Variants in RC3H1 observed in about 807,000 individuals in gnomAD.
RC3H1 encodes ring finger and CCCH-type domains 1.
RC3H1 carries 50 observed loss-of-function variants against 138.2 expected under a neutral mutation model. The observed-to-expected ratio is 0.36, with a 90% confidence interval of 0.29 to 0.46. RC3H1 has a LOEUF of 0.46. Ranked by LOEUF, RC3H1 falls within the 20% of genes least tolerant of loss-of-function variation. The pLI, the probability that RC3H1 is intolerant of heterozygous loss-of-function variation, is 1.00. For missense variants in RC3H1, 1,031 were observed against 1,388.1 expected (o/e 0.74, Z 4.09); for synonymous variants, 462 against 489.1 (o/e 0.94, Z 0.73).
chr1:174,000,857 G>A (rs1329290581), intron 1 of RC3H1, among the ~76,000 whole-genome samples: 4 of 152,072 alleles, frequency 2.6e-5, no homozygotes. Context: ...AATTTACAGT[G>A]GAAATAGAGT....
At position 173,946,466 on chromosome 1, in the gene RC3H1, A is replaced by C; in HGVS notation, c.2961+10T>G. On this transcript the variant is annotated intron_variant, in intron 17 of 19. Coordinates refer to ENST00000367696, the MANE Select transcript of RC3H1 (RefSeq NM_172071.4). Reference sequence around the variant, plus strand: ...AAAAATTGGAATAAAATGGCTCTCTAGGCTGGTACCTCTAGTCCACGTAGC... The same window carrying C: ...AAAAATTGGAATAAAATGGCTCTCTCGGCTGGTACCTCTAGTCCACGTAGC... 1 of 1,610,828 alleles carries C rather than the reference A, an allele frequency of 6.2e-7. No homozygotes were observed. The highest frequency in any genetic ancestry group is 2.2e-5 in the East Asian group (1 of 44,872).
chr1:174,003,958 G>A (rs1322783516), intron 1 of RC3H1, among the ~76,000 whole-genome samples: 1 of 151,074 alleles, frequency 6.6e-6, no homozygotes, highest in African/African-American at 2.4e-5. Flanking sequence ...ACTGCGCCCG[G>A]CAATTCCCCA....
chr1:174,019,013 T>C (rs1294046218), intron 1 of RC3H1, among the ~76,000 whole-genome samples: 1 of 152,210 alleles, frequency 6.6e-6, no homozygotes, highest in Non-Finnish European at 1.5e-5. Flanking sequence ...AAATATTAGC[T>C]GACCCAACTT....
At chr1:173,982,639 C>G (rs957003688) in intron 5 of RC3H1, 88 bp downstream of exon 5, 18 of 1,177,824 alleles carry the variant, frequency 1.5e-5, no homozygotes, top group Non-Finnish European at 2.0e-5. Context: ...AAGATACAGG[C>G]AACTTTATTA....
intron 1 of RC3H1, among the ~76,000 whole-genome samples, chr1:174,006,870 C>A (rs1661661150): frequency 6.6e-6 from 1 of 152,176 alleles, no homozygotes; most frequent in East Asian, 1.9e-4. Flanking sequence ...TCTTAAGACG[C>A]CTTACTGATA....
At chr1:173,979,675 A>C (rs1056792372) in intron 6 of RC3H1, among the ~76,000 whole-genome samples, 1 of 152,146 alleles carries the variant, frequency 6.6e-6, no homozygotes, top group Non-Finnish European at 1.5e-5. Flanking sequence ...AACAAACAAA[A>C]AAAGCCAAGT....
At chr1:174,010,040 T>C (rs899263186) in intron 1 of RC3H1, among the ~76,000 whole-genome samples, 3 of 152,150 alleles carry the variant, frequency 2.0e-5, no homozygotes, top group Admixed American at 2.0e-4. Context: ...TTTATTCTTA[T>C]TTTTGAGCTG....
intron 18 of RC3H1, among the ~76,000 whole-genome samples, chr1:173,942,428 C>CAAAAAAAAAAA (rs60694243): frequency 5.5e-4 from 21 of 38,074 alleles, no homozygotes; most frequent in African/African-American, 2.9e-3. Flanking sequence ...GACTCAGTCT[C>CAAAAAAAAAAA]AAAAAAAAAA....
intron 12 of RC3H1, 104 bp downstream of exon 12, chr1:173,961,621 A>T: frequency 9.1e-7 from 1 of 1,101,072 alleles, no homozygotes; most frequent in South Asian, 2.3e-5. Context: ...GCTCTCTTAT[A>T]AAAAAGAATT....
chr1:173,932,856 T>C lies in RC3H1; in HGVS notation c.*5865A>G, dbSNP rs953973670. On this transcript the variant is annotated 3_prime_UTR_variant, in exon 20 of 20. Transcript: ENST00000367696. ...CCAATTATTCACCCAATAGTTTGTT[T>C]CCAATCTTTTTCTTGACTCTTTCAT... The C allele has an allele frequency of 2.0e-5, 3 of 152,070 alleles. No individual in the cohort carries two copies. The highest frequency in any genetic ancestry group is 7.2e-5 in the African/African-American group (3 of 41,418). 9.4% of individuals were successfully genotyped at this position (152,070 alleles called of 1,614,324 possible).
At chr1:173,968,665 T>TTA (rs1230060149) in intron 9 of RC3H1, among the ~76,000 whole-genome samples, 1 of 152,126 alleles carries the variant, frequency 6.6e-6, no homozygotes, top group Non-Finnish European at 1.5e-5. Flanking sequence ...TTCCACAATG[T>TTA]TAAATAACAG....
intron 4 of RC3H1, 89 bp from the exon 5 acceptor site, chr1:173,982,991 C>T (rs897457661): frequency 8.3e-7 from 1 of 1,210,230 alleles, no homozygotes; most frequent in Non-Finnish European, 1.2e-6. Flanking sequence ...ATCATTTCTG[C>T]AGCTATTCAA....
intron 9 of RC3H1, among the ~76,000 whole-genome samples, chr1:173,967,535 C>T (rs1660174088): frequency 2.0e-5 from 3 of 152,252 alleles, no homozygotes; most frequent in Admixed American, 2.0e-4. Context: ...ATTTGGTAGT[C>T]CAAAAATACT....
chr1:174,019,437 T>C (rs1277766350), intron 1 of RC3H1, among the ~76,000 whole-genome samples: 1 of 152,216 alleles, frequency 6.6e-6, no homozygotes, highest in Non-Finnish European at 1.5e-5. Context: ...ATTAATTATG[T>C]GATCTTTTTG....
At position 173,937,537 on chromosome 1, in the gene RC3H1, A is replaced by G. The variant is rs551652980; in HGVS notation, c.*1184T>C. 2.6e-5 allele frequency: 4 copies of G among 152,124 alleles called. No homozygotes were observed. The East Asian group carries it at 5.8e-4, about 22-fold the overall frequency. 9.4% of individuals were successfully genotyped at this position (152,124 alleles called of 1,614,324 possible). On this transcript the variant is annotated 3_prime_UTR_variant, in exon 20 of 20. Coordinates refer to ENST00000367696, the MANE Select transcript of RC3H1 (RefSeq NM_172071.4). ...CAGAATTAAAAAAAAAAAAAACCTT[A>G]CTCTTTTCAATATTTTCATGAAGAA...
At position 173,941,804 on chromosome 1, in the gene RC3H1, C is replaced by T. The variant is rs547090468; in HGVS notation, c.3136-424G>A. ...AAAATCAGCTGGGCGTGGTGGCACA[C>T]GCCTGTAATCCCAGCTACTCAAGAG... On this transcript the variant is annotated intron_variant, in intron 18 of 19. Coordinates refer to ENST00000367696, the MANE Select transcript of RC3H1 (RefSeq NM_172071.4). Among the ~76,000 whole-genome samples, 14 of 150,088 alleles carry T rather than the reference C, an allele frequency of 9.3e-5. No homozygotes were observed. In the East Asian group the frequency reaches 1.0e-3, roughly 11 times the overall value.
At chr1:173,995,763 A>G (rs1458633429) in intron 1 of RC3H1, among the ~76,000 whole-genome samples, 1 of 152,148 alleles carries the variant, frequency 6.6e-6, no homozygotes, top group Non-Finnish European at 1.5e-5. Flanking sequence ...GAAGAGTAAC[A>G]ACTATATGTC....
intron 1 of RC3H1, among the ~76,000 whole-genome samples, chr1:174,016,552 C>A (rs899507810): frequency 1.1e-4 from 16 of 150,480 alleles, no homozygotes; most frequent in Admixed American, 4.6e-4. Flanking sequence ...AGCCACTGTA[C>A]TCAACTTAAG....
At chr1:173,994,305 AT>A (rs1480201164) in intron 1 of RC3H1, among the ~76,000 whole-genome samples, 1 of 151,860 alleles carries the variant, frequency 6.6e-6, no homozygotes, top group African/African-American at 2.4e-5. Context: ...AGTAAGGAGA[AT>A]TGCTTGAACC....
Sources: allele counts gnomAD v4.1 joint callset (sites outside exome capture counted in the v4.1 genomes callset), GRCh38; gene constraint gnomAD v4.1.1; transcripts MANE v1.5; gene names NCBI Gene and HGNC (gene_info 2026-07-23, HGNC 2026-07-21).